LHFPL2: variants seen among roughly 807,000 people sequenced by gnomAD.
LHFPL2 encodes LHFPL tetraspan subfamily member 2, also known as LHFPL tetraspan subfamily member 2 protein.
LHFPL2 carries 7 observed loss-of-function variants against 17.5 expected under a neutral mutation model. That is an observed-to-expected ratio of 0.40 (90% CI 0.23 to 0.75). LHFPL2 has a LOEUF of 0.75. Among genes scored for constraint, LHFPL2 ranks in the 30% least tolerant of loss-of-function variants. LHFPL2 has a pLI of 0.37. For synonymous variants in LHFPL2, 134 were observed against 116.2 expected, an observed-to-expected ratio of 1.15 and a Z score of -0.99; for missense variants, 241 against 294.8, an observed-to-expected ratio of 0.82 and a Z score of 1.34.
intron 2 of LHFPL2, among the ~76,000 whole-genome samples, chr5:78,613,467 A>G (rs1415825963): frequency 1.3e-5 from 2 of 152,176 alleles, no homozygotes; most frequent in African/African-American, 4.8e-5. Context: ...CATCATTTAC[A>G]CAAGTCACTT....
rs116865127 is a variant in LHFPL2 at position 78,575,240 on chromosome 5, A to G, written c.-244-10369T>C. On this transcript the variant is annotated intron_variant, in intron 2 of 4. Coordinates refer to ENST00000380345, the MANE Select transcript of LHFPL2 (RefSeq NM_005779.3). The stretch of plus-strand genomic sequence containing the variant: ...AGAAAGGGTTTTGCTGTAAATAAAC[A>G]AACACCTTGAAAACCACCACATGGA... Among the ~76,000 whole-genome samples the G allele has an allele frequency of 1.6e-4, 24 of 152,318 alleles. No homozygotes were observed. The East Asian group carries it at 4.4e-3, about 28-fold the overall frequency.
At chr5:78,517,118 A>G (rs572407078) in intron 3 of LHFPL2, among the ~76,000 whole-genome samples, 66 of 152,338 alleles carry the variant, frequency 4.3e-4, no homozygotes, top group African/African-American at 1.6e-3. Context: ...AGGTAGACCT[A>G]TAAGATTTTC....
chr5:78,602,611 G>A (rs532235108), intron 2 of LHFPL2, among the ~76,000 whole-genome samples: 3 of 152,116 alleles, frequency 2.0e-5, no homozygotes, highest in East Asian at 1.9e-4. Flanking sequence ...ACATCAATTC[G>A]TATAGAAATC....
At position 78,486,969 on chromosome 5, in the gene LHFPL2, TAC is replaced by T. The variant is rs1215334995; in HGVS notation, c.*1926_*1927del. ...AGACTTGGTTAGAACATTATAAATG[TAC>T]ACACAGAGACAGAAGCTTTGTCCAG... On this transcript the variant is annotated 3_prime_UTR_variant, in exon 5 of 5. Coordinates refer to ENST00000380345, the MANE Select transcript of LHFPL2 (RefSeq NM_005779.3). The T allele has an allele frequency of 1.3e-5, 2 of 152,234 alleles. No individual in the cohort carries two copies. The highest frequency in any genetic ancestry group is 2.9e-5 in the Non-Finnish European group (2 of 68,038). 9.4% of individuals were successfully genotyped at this position (152,234 alleles called of 1,614,324 possible). A position where few individuals can be genotyped will look rare whatever the true frequency, so the allele number is the denominator to read the frequency against.
rs112181793 is a variant in LHFPL2 at position 78,585,689 on chromosome 5, C to A, written c.-244-20818G>T. Among the ~76,000 whole-genome samples the A allele has an allele frequency of 3.6e-3, 555 of 152,276 alleles. 2 individuals carry two copies. The highest frequency in any genetic ancestry group is 9.5e-3 in the African/African-American group (393 of 41,552). ...AAACAACCTCCACCTCCTCCTCCTC[C>A]TCATCATCATCATCACCATCATCAC... On this transcript the variant is annotated intron_variant, in intron 2 of 4. Coordinates refer to ENST00000380345, the MANE Select transcript of LHFPL2 (RefSeq NM_005779.3).
chr5:78,557,322 A>C (rs920002087), intron 3 of LHFPL2, among the ~76,000 whole-genome samples: 10 of 152,230 alleles, frequency 6.6e-5, no homozygotes, highest in African/African-American at 2.2e-4. Flanking sequence ...GAATAGACTT[A>C]ATATACCTGA....
chr5:78,524,742 C>CAAA lies in LHFPL2; in HGVS notation c.-185-14347_-185-14345dup, dbSNP rs34179854. On this transcript the variant is annotated intron_variant, in intron 3 of 4. Transcript: ENST00000380345. ...GGGGGACAGAATGTGACCCTGTTCT[C>CAAA]AAAAAAAAAAAAAAAAAAAAATTGT... Among the ~76,000 whole-genome samples, 615 of 117,734 alleles carry CAAA rather than the reference C, an allele frequency of 5.2e-3. 4 individuals are homozygous for CAAA. Among genetic ancestry groups the CAAA allele is most frequent in the African/African-American group, 0.019 (577 of 30,622 alleles). 77.2% of individuals were successfully genotyped at this position (117,734 alleles called of 152,430 possible).
intron 2 of LHFPL2, among the ~76,000 whole-genome samples, chr5:78,589,499 T>C (rs1743551504): frequency 6.6e-6 from 1 of 151,474 alleles, no homozygotes; most frequent in Non-Finnish European, 1.5e-5. Context: ...AGTCATCTAA[T>C]TTATATAGGA....
intron 2 of LHFPL2, chr5:78,625,345 G>T (rs1303296549): frequency 1.3e-5 from 2 of 152,120 alleles, no homozygotes; most frequent in Non-Finnish European, 2.9e-5. Flanking sequence ...TAAGGAAAGG[G>T]GCAACTTCAA....
intron 2 of LHFPL2, among the ~76,000 whole-genome samples, chr5:78,598,543 T>G (rs534551773): frequency 6.6e-6 from 1 of 152,356 alleles, no homozygotes; most frequent in South Asian, 2.1e-4. Flanking sequence ...AAGTACCTAT[T>G]AGGTGGTTTG....
chr5:78,489,678 AC>A (rs1375897453), intron 4 of LHFPL2, among the ~76,000 whole-genome samples: 2 of 152,150 alleles, frequency 1.3e-5, no homozygotes, highest in African/African-American at 4.8e-5. Flanking sequence ...CCAACTTGTT[AC>A]TATGTATTCC....
At chr5:78,530,625 ACT>A (rs1377462248) in intron 3 of LHFPL2, among the ~76,000 whole-genome samples, 1 of 152,090 alleles carries the variant, frequency 6.6e-6, no homozygotes, top group African/African-American at 2.4e-5. Flanking sequence ...ATGGCTGCTG[ACT>A]CTGTACCTAT....
intron 2 of LHFPL2, among the ~76,000 whole-genome samples, chr5:78,573,733 C>A (rs182505490): frequency 6.6e-6 from 1 of 152,182 alleles, no homozygotes; most frequent in Non-Finnish European, 1.5e-5. Flanking sequence ...CTTTGGAAGC[C>A]ATTGCCCTGG....
At chr5:78,573,017 C>T (rs181190313) in intron 2 of LHFPL2, among the ~76,000 whole-genome samples, 5 of 152,258 alleles carry the variant, frequency 3.3e-5, no homozygotes, top group Admixed American at 1.3e-4. Context: ...CCGTAATGCT[C>T]GCTCGCCTGG....
chr5:78,548,049 G>A (rs1272562728), intron 3 of LHFPL2, among the ~76,000 whole-genome samples: 2 of 152,274 alleles, frequency 1.3e-5, no homozygotes, highest in East Asian at 3.8e-4. Flanking sequence ...TGATCAGGCC[G>A]AGACGGAGGA....
At chr5:78,512,738 T>A (rs989916878) in intron 3 of LHFPL2, among the ~76,000 whole-genome samples, 7 of 151,116 alleles carry the variant, frequency 4.6e-5, no homozygotes, top group African/African-American at 1.7e-4. Context: ...TTCCCATCCC[T>A]TTTCTCTGTT....
intron 3 of LHFPL2, among the ~76,000 whole-genome samples, chr5:78,511,360 G>A (rs1363793935): frequency 6.6e-6 from 1 of 152,190 alleles, no homozygotes; most frequent in Admixed American, 6.5e-5. Context: ...TCTCCACGGA[G>A]GAATGACTTC....
intron 2 of LHFPL2, among the ~76,000 whole-genome samples, chr5:78,598,923 G>T (rs11948106): frequency 0.48 from 72,685 of 151,976 alleles, 17,938 homozygotes; most frequent in African/African-American, 0.59. Context: ...GTTTTCATAG[G>T]AAGCATTATT....
At chr5:78,534,135 G>T (rs1197606196) in intron 3 of LHFPL2, among the ~76,000 whole-genome samples, 1 of 152,216 alleles carries the variant, frequency 6.6e-6, no homozygotes, top group Non-Finnish European at 1.5e-5. Flanking sequence ...CATGTCGGAG[G>T]CTCTCAGGGG....
Sources: allele counts gnomAD v4.1 joint callset (sites outside exome capture counted in the v4.1 genomes callset), GRCh38; gene constraint gnomAD v4.1.1; transcripts MANE v1.5; gene names NCBI Gene and HGNC (gene_info 2026-07-23, HGNC 2026-07-21).